The following BLOC1S3 variants were observed in gnomAD, a reference collection of about 807,000 sequenced individuals.
The protein encoded by BLOC1S3 is biogenesis of lysosomal organelles complex 1 subunit 3.
In BLOC1S3, 7 loss-of-function variants were observed where a neutral mutation model predicts 9.1. The ratio of observed to expected loss-of-function variants is 0.77; its 90% CI spans 0.44 to 1.45. The LOEUF is 1.45. BLOC1S3 is among the 40% of genes most tolerant of loss of function. BLOC1S3 has a pLI of 0.01. For missense variants in BLOC1S3, 307 were observed against 315.2 expected, an observed-to-expected ratio of 0.97 and a Z score of 0.20; for synonymous variants, 145 against 158.4, an observed-to-expected ratio of 0.92 and a Z score of 0.64.
At chr19:45,216,099 C>T in intron 3 of BLOC1S3, 1 of 1,613,936 alleles carries the variant, frequency 6.2e-7, no homozygotes, top group East Asian at 2.2e-5. Context: ...CGCGCACCAA[C>T]ACTCCCACCT....
chr19:45,190,622 G>A (rs1005440941), intron 2 of BLOC1S3, among the ~76,000 whole-genome samples: 2 of 150,622 alleles, frequency 1.3e-5, no homozygotes, highest in East Asian at 2.0e-4. Flanking sequence ...GGCTGGTCTC[G>A]AACTCTTGAG....
At chr19:45,184,903 C>CAAACAAAAAA (rs1334862577), downstream of BLOC1S3, among the ~76,000 whole-genome samples, 1 of 48,278 alleles carries the variant, frequency 2.1e-5, no homozygotes, top group Non-Finnish European at 4.0e-5. Flanking sequence ...CTGTCTCAAA[C>CAAACAAAAAA]AAAAAAAAAA....
chr19:45,180,899 A>C lies in BLOC1S3; in HGVS notation c.*994A>C, dbSNP rs1414704595. 6.2e-6 allele frequency: 1 copy of C among 160,572 alleles called. No individual in the cohort carries two copies. Among genetic ancestry groups the C allele is most frequent in the African/African-American group, 2.4e-5 (1 of 41,388 alleles). The allele number at this position is 160,572 out of a possible 1,614,324, so 9.9% of individuals were successfully genotyped here. ...GCACCACCACGCCTGGCTACTTTTT[A>C]TATTTTTAGTAGAGATGAGGTTTCA... On this transcript the variant is annotated 3_prime_UTR_variant, in exon 2 of 2. Transcript: ENST00000433642.
At chr19:45,208,070 G>A (rs908877950) in intron 3 of BLOC1S3, among the ~76,000 whole-genome samples, 1 of 151,694 alleles carries the variant, frequency 6.6e-6, no homozygotes, top group Non-Finnish European at 1.5e-5. Context: ...TACCTCCTGG[G>A]TTCAAGCGAT....
rs1050255880 is a variant in BLOC1S3 at position 45,179,260 on chromosome 19, G to C, written c.-9-28G>C. 2.6e-6 allele frequency: 4 copies of C among 1,522,176 alleles called. No individual in the cohort carries two copies. The highest frequency in any genetic ancestry group is 1.7e-4 in the Middle Eastern group (1 of 5,750). 94.3% of individuals were successfully genotyped at this position (1,522,176 alleles called of 1,614,324 possible). On this transcript the variant is annotated intron_variant, in intron 1 of 1. Transcript: ENST00000433642. The surrounding 1 kb of genome is among the most constrained non-coding windows in gnomAD (Gnocchi z 4.6). Reference sequence around the variant, plus strand: ...TTACCCACCGCGGCGCCGGTCTCACGTGCAGTCCCTTCGCTCTTCTCCCCT... The same window carrying C: ...TTACCCACCGCGGCGCCGGTCTCACCTGCAGTCCCTTCGCTCTTCTCCCCT...
chr19:45,209,566 C>T (rs926905706), intron 3 of BLOC1S3, among the ~76,000 whole-genome samples: 6 of 152,034 alleles, frequency 3.9e-5, no homozygotes, highest in Admixed American at 2.0e-4. Context: ...GGACTACAGG[C>T]GCCTGCCACT....
chr19:45,208,339 G>C (rs887779623), intron 3 of BLOC1S3, among the ~76,000 whole-genome samples: 1 of 152,034 alleles, frequency 6.6e-6, no homozygotes. Flanking sequence ...AGGTGCCATC[G>C]CTCATACCTG....
intron 3 of BLOC1S3, among the ~76,000 whole-genome samples, chr19:45,211,767 C>A (rs1029238879): frequency 6.6e-6 from 1 of 151,128 alleles, no homozygotes; most frequent in Non-Finnish European, 1.5e-5. Flanking sequence ...CCAGTGCTAA[C>A]CCCTGGCTGC....
intron 3 of BLOC1S3, among the ~76,000 whole-genome samples, chr19:45,206,462 T>TTGTTTTTTTTTG: frequency 8.7e-6 from 1 of 115,506 alleles, no homozygotes; most frequent in South Asian, 2.8e-4. Flanking sequence ...TTTTTTTTTT[T>TTGTTTTTTTTTG]TTTTTTTTTT....
rs544993181 is a variant in BLOC1S3 at position 45,179,339 on chromosome 19, G to A, written c.43G>A (p.Glu15Lys). 7.6e-6 allele frequency: 12 copies of A among 1,587,228 alleles called. No individual in the cohort carries two copies. In the South Asian group the frequency reaches 1.3e-4, roughly 18 times the overall value. ...TCGGCGGAGGCCCCTGCGGAGGCCG[G>A]AGACGGTGGTGCCGGGGGAGGCGAC... ...GRRRRPLRRP[E>K]TVVPGEATET... The change falls in exon 2 of 2, where the codon GAG (glutamate) becomes AAG (lysine). Residue 15 changes from glutamate to lysine, a missense_variant. Physicochemically the swap from Glu to Lys is moderately conservative, Grantham distance 56. Coordinates refer to ENST00000433642, the MANE Select transcript of BLOC1S3 (RefSeq NM_212550.5). This position sits in a 1 kb window ranked among gnomAD's most constrained non-coding sequence, Gnocchi z 4.6.
At chr19:45,213,530 C>T (rs1444398037) in intron 3 of BLOC1S3, among the ~76,000 whole-genome samples, 1 of 152,090 alleles carries the variant, frequency 6.6e-6, no homozygotes, top group Non-Finnish European at 1.5e-5. Context: ...CCCAGGCCCT[C>T]ACCTCATACC....
intron 2 of BLOC1S3, among the ~76,000 whole-genome samples, chr19:45,188,852 A>G (rs1833037005): frequency 6.6e-6 from 1 of 151,738 alleles, no homozygotes; most frequent in Non-Finnish European, 1.5e-5. Flanking sequence ...GATTACAGGC[A>G]TGAGCCAACA....
At chr19:45,184,903 C>CAAAAAAAAAAAAAAAAAAAA (rs71338752), downstream of BLOC1S3, among the ~76,000 whole-genome samples, 8 of 48,286 alleles carry the variant, frequency 1.7e-4, no homozygotes, top group Non-Finnish European at 3.2e-4. Flanking sequence ...CTGTCTCAAA[C>CAAAAAAAAAAAAAAAAAAAA]AAAAAAAAAA....
chr19:45,213,157 A>T (rs1399156015), intron 3 of BLOC1S3: 2 of 1,587,458 alleles, frequency 1.3e-6, no homozygotes, highest in Non-Finnish European at 1.7e-6. Context: ...GGAGAGGGGG[A>T]GGCGGCCCAG....
chr19:45,195,316 C>T (rs1194871752), intron 2 of BLOC1S3, among the ~76,000 whole-genome samples: 2 of 152,220 alleles, frequency 1.3e-5, no homozygotes, highest in East Asian at 3.9e-4. Flanking sequence ...AGGCAGTCCT[C>T]CCACCTCAGC....
chr19:45,184,417 G>T (rs1969550205), downstream of BLOC1S3, among the ~76,000 whole-genome samples: 1 of 152,040 alleles, frequency 6.6e-6, no homozygotes, highest in Non-Finnish European at 1.5e-5. Flanking sequence ...ACCAGCCTGG[G>T]CAATATAGCG....
intron 2 of BLOC1S3, among the ~76,000 whole-genome samples, chr19:45,198,648 A>G (rs1357180196): frequency 6.6e-6 from 1 of 151,962 alleles, no homozygotes; most frequent in Non-Finnish European, 1.5e-5. Flanking sequence ...TGAGGTTTCC[A>G]CTGAAGTCTG....
chr19:45,201,069 G>A (rs188281574), intron 2 of BLOC1S3, among the ~76,000 whole-genome samples: 1 of 152,262 alleles, frequency 6.6e-6, no homozygotes, highest in Admixed American at 6.5e-5. Context: ...CAGGCGTAGG[G>A]GTGGGCGCCT....
intron 2 of BLOC1S3, among the ~76,000 whole-genome samples, chr19:45,195,201 G>A (rs1012078200): frequency 2.0e-5 from 3 of 151,846 alleles, no homozygotes; most frequent in Non-Finnish European, 2.9e-5. Context: ...GAGCCACCGC[G>A]CCTGGCCAAT....
Sources: allele counts gnomAD v4.1 joint callset (sites outside exome capture counted in the v4.1 genomes callset), GRCh38; gene constraint gnomAD v4.1.1; non-coding constraint Gnocchi (gnomAD v3.1); transcripts MANE v1.5; gene names NCBI Gene and HGNC (gene_info 2026-07-23, HGNC 2026-07-21).